The following SCN11A variants were observed in gnomAD, a reference collection of about 807,000 sequenced individuals.
SCN11A encodes sodium channel protein type 11 subunit alpha.
SCN11A carries 122 observed loss-of-function variants against 162.2 expected under a neutral mutation model. That is an observed-to-expected ratio of 0.75 (90% CI 0.65 to 0.87). The LOEUF (loss-of-function observed/expected upper bound fraction) is 0.87, where lower values mean the gene tolerates loss of function less well. Among genes scored for constraint, SCN11A ranks in the 40% least tolerant of loss-of-function variants. The probability of loss-of-function intolerance (pLI) is 0.00; values close to 1 mark genes in which losing one functional copy is unlikely to be tolerated. For synonymous variants in SCN11A, 758 were observed against 751.5 expected, an observed-to-expected ratio of 1.01 and a Z score of -0.14; for missense variants, 2,015 against 2,181.6, an observed-to-expected ratio of 0.92 and a Z score of 1.52.
chr3:38,892,706 G>A (rs2065520278), intron 19 of SCN11A, among the ~76,000 whole-genome samples: 1 of 151,980 alleles, frequency 6.6e-6, no homozygotes, highest in Non-Finnish European at 1.5e-5. Flanking sequence ...AATATAATAT[G>A]TAGAATTTAA....
rs560683584 is a variant in SCN11A, at chr3:38,966,058, C to G, written c.-279-5635G>C. 1.5e-3 allele frequency among the ~76,000 whole-genome samples: 222 copies of G among 152,288 alleles called. 1 individual carries two copies. Among genetic ancestry groups the G allele is most frequent in the South Asian group, 2.7e-3 (13 of 4,834 alleles). ...AAAAAATATATATCACTGGTAGAGG[C>G]AGCTGGCTTAGTACCTGAGATCATT... On this transcript the variant is annotated intron_variant, in intron 2 of 29. Coordinates refer to ENST00000302328, the MANE Select transcript of SCN11A (RefSeq NM_001349253.2).
intron 2 of SCN11A, among the ~76,000 whole-genome samples, chr3:39,001,954 G>A (rs899414019): frequency 6.6e-6 from 1 of 151,840 alleles, no homozygotes; most frequent in Non-Finnish European, 1.5e-5. Context: ...GGAGAATGGC[G>A]TGAACCCGGG....
Position 38,910,011 on chromosome 3 carries a change from A to G in SCN11A, c.1101+55T>C, listed in dbSNP as rs989537814. 22 of 1,530,726 alleles carry G rather than the reference A, an allele frequency of 1.4e-5. No individual in the cohort carries two copies. In the African/African-American group the frequency reaches 3.1e-4, roughly 21 times the overall value. 94.8% of individuals were successfully genotyped at this position (1,530,726 alleles called of 1,614,324 possible). The stretch of plus-strand genomic sequence containing the variant: ...ATAAATAGGTAAGTGATAGAGGGGG[A>G]AGGAAAAGGATGGAGGGAGGGAGAG... On this transcript the variant is annotated intron_variant, in intron 12 of 29. Coordinates refer to ENST00000302328, the MANE Select transcript of SCN11A (RefSeq NM_001349253.2).
At chr3:38,921,395 A>G in intron 9 of SCN11A, 140 bp from the exon 10 acceptor site, 1 of 740,666 alleles carries the variant, frequency 1.4e-6, no homozygotes, top group African/African-American at 1.8e-5. Context: ...TATGATTCTG[A>G]TGCCTTGAGT....
chr3:38,912,952 A>G (rs1213983197), intron 11 of SCN11A, among the ~76,000 whole-genome samples: 1 of 152,164 alleles, frequency 6.6e-6, no homozygotes, highest in Non-Finnish European at 1.5e-5. Flanking sequence ...ATGTGTGTGT[A>G]TCTTTACAGT....
chr3:39,003,667 T>C (rs1007580829), intron 2 of SCN11A, among the ~76,000 whole-genome samples: 5 of 152,236 alleles, frequency 3.3e-5, no homozygotes, highest in African/African-American at 1.2e-4. Flanking sequence ...GTGTTCCCTT[T>C]TCTCCACAAC....
chr3:38,861,921 G>A (rs1240979892), intron 28 of SCN11A, among the ~76,000 whole-genome samples: 1 of 152,040 alleles, frequency 6.6e-6, no homozygotes, highest in African/African-American at 2.4e-5. Flanking sequence ...CTTCTGCACG[G>A]CAAAATAAAT....
intron 2 of SCN11A, among the ~76,000 whole-genome samples, chr3:39,006,216 C>T (rs1366663093): frequency 4.6e-5 from 7 of 152,094 alleles, no homozygotes; most frequent in Admixed American, 4.6e-4. Flanking sequence ...CTATGAAGTC[C>T]ACACATGGCC....
chr3:39,012,675 A>G (rs7631187), intron 2 of SCN11A, among the ~76,000 whole-genome samples: 1 of 151,924 alleles, frequency 6.6e-6, no homozygotes, highest in Non-Finnish European at 1.5e-5. Flanking sequence ...GGGTTTCACC[A>G]TGTTGGCCAG....
chr3:39,051,933 C>G lies in SCN11A; in HGVS notation c.-476G>C, dbSNP rs979699811. 10 of 1,519,790 alleles carry G rather than the reference C, an allele frequency of 6.6e-6. No individual in the cohort carries two copies. The highest frequency in any genetic ancestry group is 1.7e-4 in the Middle Eastern group (1 of 5,890). 94.1% of individuals were successfully genotyped at this position (1,519,790 alleles called of 1,614,324 possible). A position where few individuals can be genotyped will look rare whatever the true frequency, so the allele number is the denominator to read the frequency against. ...ACACAACAGCCTGTTTACCTTCAGC[C>G]CCGCCACTAACCCTTGGCCAAAGGG... On this transcript the variant is annotated 5_prime_UTR_variant, in exon 1 of 30. Transcript: ENST00000302328.
chr3:39,029,826 C>T (rs2031700044), intron 2 of SCN11A, among the ~76,000 whole-genome samples: 1 of 152,218 alleles, frequency 6.6e-6, no homozygotes, highest in African/African-American at 2.4e-5. Context: ...ATTCCAGATT[C>T]ACAACCCTAA....
At chr3:38,952,423 C>T (rs914736380) in intron 4 of SCN11A, among the ~76,000 whole-genome samples, 3 of 152,296 alleles carry the variant, frequency 2.0e-5, no homozygotes, top group South Asian at 2.1e-4. Flanking sequence ...GACTCTTACA[C>T]CCACTCCAGG....
At chr3:39,040,287 T>A (rs1056459304) in intron 1 of SCN11A, among the ~76,000 whole-genome samples, 6 of 152,214 alleles carry the variant, frequency 3.9e-5, no homozygotes, top group Admixed American at 3.9e-4. Flanking sequence ...TTGTCTAAGA[T>A]CGAGTGTGGA....
intron 28 of SCN11A, among the ~76,000 whole-genome samples, chr3:38,859,613 A>G (rs1192480959): frequency 6.6e-6 from 1 of 152,136 alleles, no homozygotes; most frequent in East Asian, 1.9e-4. Flanking sequence ...TACCAGTCCT[A>G]CTTATGGAAC....
At chr3:38,860,814 C>T (rs2064950963) in intron 28 of SCN11A, among the ~76,000 whole-genome samples, 1 of 152,146 alleles carries the variant, frequency 6.6e-6, no homozygotes, top group Non-Finnish European at 1.5e-5. Context: ...AAAGCATTCC[C>T]TATGACAACT....
intron 8 of SCN11A, 55 bp from the exon 9 acceptor site, chr3:38,925,564 G>A: frequency 8.1e-7 from 1 of 1,234,328 alleles, no homozygotes; most frequent in Non-Finnish European, 1.2e-6. Context: ...CAGCTGCACT[G>A]CACATCTCCA....
chr3:38,994,926 C>T (rs961595555), intron 2 of SCN11A, among the ~76,000 whole-genome samples: 2 of 152,100 alleles, frequency 1.3e-5, no homozygotes, highest in African/African-American at 4.8e-5. Flanking sequence ...AGAAGCCCCA[C>T]AAAGCCGTCA....
At chr3:39,025,544 G>A (rs1453165097) in intron 2 of SCN11A, among the ~76,000 whole-genome samples, 1 of 152,026 alleles carries the variant, frequency 6.6e-6, no homozygotes, top group Non-Finnish European at 1.5e-5. Flanking sequence ...CCCTGTTTTA[G>A]ACCATATAGG....
intron 8 of SCN11A, among the ~76,000 whole-genome samples, chr3:38,925,718 C>T (rs943539035): frequency 3.3e-5 from 5 of 152,220 alleles, no homozygotes; most frequent in Admixed American, 6.5e-5. Context: ...GTTCTCAGTT[C>T]ACCTTCATAC....
Sources: allele counts gnomAD v4.1 joint callset (sites outside exome capture counted in the v4.1 genomes callset), GRCh38; gene constraint gnomAD v4.1.1; transcripts MANE v1.5; gene names NCBI Gene and HGNC (gene_info 2026-07-23, HGNC 2026-07-21).